The following CIP2A variants were observed in gnomAD, a reference collection of about 807,000 sequenced individuals.
The protein encoded by CIP2A is protein CIP2A.
Under a neutral mutation model 110.9 loss-of-function variants are expected in CIP2A, and 103 were observed. That is an observed-to-expected ratio of 0.93 (90% confidence interval 0.79 to 1.09). The LOEUF (loss-of-function observed/expected upper bound fraction) is 1.09. CIP2A is among the 50% of genes least tolerant of loss of function. The probability of loss-of-function intolerance (pLI) is 0.00; values close to 1 mark genes in which losing one functional copy is unlikely to be tolerated. For synonymous variants in CIP2A, 381 were observed against 361.6 expected, an observed-to-expected ratio of 1.05 and a Z score of -0.61; for missense variants, 1,088 against 1,038.4, an observed-to-expected ratio of 1.05 and a Z score of -0.66.
chr3:108,569,335 T>G, intron 9 of CIP2A, 54 bp downstream of exon 9: 1 of 1,281,112 alleles, frequency 7.8e-7, no homozygotes, highest in Non-Finnish European at 1.1e-6. Flanking sequence ...GAAGACAAAT[T>G]GTTAACTGAG....
intron 7 of CIP2A, among the ~76,000 whole-genome samples, chr3:108,578,676 C>G (rs1283126950): frequency 1.3e-5 from 2 of 151,962 alleles, no homozygotes; most frequent in Non-Finnish European, 2.9e-5. Flanking sequence ...AGCATAGGCC[C>G]CAGCAAAATT....
At chr3:108,580,741 G>A (rs1039713259) in intron 5 of CIP2A, among the ~76,000 whole-genome samples, 12 of 151,898 alleles carry the variant, frequency 7.9e-5, no homozygotes, top group Non-Finnish European at 1.8e-4. Flanking sequence ...CAATTCCCCT[G>A]CCTCAGCTTC....
intron 7 of CIP2A, among the ~76,000 whole-genome samples, chr3:108,578,754 T>C (rs1938763016): frequency 6.6e-6 from 1 of 152,152 alleles, no homozygotes; most frequent in Admixed American, 6.5e-5. Flanking sequence ...AAAACATAAA[T>C]GATCATATGA....
chr3:108,569,168 C>CTATATATATATATA lies in CIP2A; in HGVS notation c.1113+207_1113+220dup, dbSNP rs1163991017. Among the ~76,000 whole-genome samples the CTATATATATATATA allele has an allele frequency of 9.7e-3, 108 of 11,090 alleles. 31 individuals carry two copies. In the East Asian group the frequency reaches 0.21, roughly 21 times the overall value. The allele number at this position is 11,090 out of a possible 152,430, so 7.3% of individuals were successfully genotyped here. ...TTTACTTATTACACTGAAATGAGCA[C>CTATATATATATATA]TATATATATATATACATACACACTA... is the stretch of plus-strand genomic sequence containing the variant. On this transcript the variant is annotated intron_variant, in intron 9 of 20. Coordinates refer to ENST00000295746, the MANE Select transcript of CIP2A (RefSeq NM_020890.3).
intron 18 of CIP2A, 33 bp downstream of exon 18, chr3:108,554,343 C>T: frequency 1.2e-6 from 1 of 865,894 alleles, no homozygotes; most frequent in South Asian, 1.6e-5. Flanking sequence ...TGAAAAATCC[C>T]ACATATTCAG....
chr3:108,569,502 G>C lies in CIP2A; in HGVS notation c.1000C>G (p.His334Asp). Residue 334 changes from histidine to aspartate, a missense_variant, in exon 9 of 21, where the codon CAT becomes GAT. His to Asp is a moderately conservative substitution (Grantham distance 81). Transcript: ENST00000295746. ...SPPGSATLGS[H>D]TKCLEPTVAL... ...ACAGTAGGTTCTAAACATTTAGTAT[G>C]GCTTCCCAGAGTGGCGCTGCCAGGT... 2 of 1,612,760 alleles carry C rather than the reference G, an allele frequency of 1.2e-6. No homozygotes were observed. Among genetic ancestry groups the C allele is most frequent in the Non-Finnish European group, 1.7e-6 (2 of 1,179,310 alleles).
chr3:108,571,160 T>G (rs1322423617), intron 8 of CIP2A, among the ~76,000 whole-genome samples: 1 of 152,192 alleles, frequency 6.6e-6, no homozygotes, highest in Non-Finnish European at 1.5e-5. Context: ...TACCTTCTTC[T>G]GGAATACCTC....
chr3:108,560,219 T>C (rs1007412720), intron 14 of CIP2A, among the ~76,000 whole-genome samples, 191 bp from the exon 15 acceptor site: 5 of 152,060 alleles, frequency 3.3e-5, no homozygotes, highest in Non-Finnish European at 5.9e-5. Flanking sequence ...TCACCCAGGT[T>C]GGAGTGAAGT....
chr3:108,578,813 G>C (rs537779522), intron 7 of CIP2A, among the ~76,000 whole-genome samples: 1 of 152,178 alleles, frequency 6.6e-6, no homozygotes, highest in South Asian at 2.1e-4. Context: ...CCTATGAAAA[G>C]AGGCACACAC....
chr3:108,572,744 C>CT, intron 8 of CIP2A, among the ~76,000 whole-genome samples: 1 of 143,266 alleles, frequency 7.0e-6, no homozygotes, highest in Non-Finnish European at 1.6e-5. Flanking sequence ...TTTCTATACT[C>CT]TCACGTCATC....
intron 6 of CIP2A, 25 bp from the exon 7 acceptor site, chr3:108,579,451 T>C (rs776132318): frequency 9.5e-6 from 15 of 1,582,738 alleles, no homozygotes; most frequent in African/African-American, 1.4e-5. Flanking sequence ...AGAAAAAGCA[T>C]ATTAGACAAA....
intron 12 of CIP2A, 48 bp from the exon 13 acceptor site, chr3:108,563,292 T>C (rs774441802): frequency 9.0e-7 from 1 of 1,107,258 alleles, no homozygotes; most frequent in South Asian, 1.3e-5. Context: ...GAATAAACAA[T>C]GTCAGCTCTT....
intron 16 of CIP2A, among the ~76,000 whole-genome samples, chr3:108,557,615 T>G (rs1215451967): frequency 6.6e-6 from 1 of 152,090 alleles, no homozygotes; most frequent in East Asian, 1.9e-4. Flanking sequence ...ATACATTATC[T>G]GATAAAAACA....
Position 108,569,431 on chromosome 3 carries a change from GTT to G in CIP2A, c.1069_1070del (p.Asn357LeufsTer14). 6.2e-7 allele frequency: 1 copy of G among 1,612,568 alleles called. No homozygotes were observed. The highest frequency in any genetic ancestry group is 8.5e-7 in the Non-Finnish European group (1 of 1,179,182). ...ACAACTCCAATGCTAAAACAGAACAGTTTTCTGATCCGTCCAAAGGTTGGCTT... is the reference window on the plus strand; with the variant it reads ...ACAACTCCAATGCTAAAACAGAACAGTTCTGATCCGTCCAAAGGTTGGCTT... Reference protein sequence around the residue: ...WLSQPLDGSENCSVLALELFK... With the variant: ...WLSQPLDGSEXCSVLALELFK... On this transcript the variant is annotated frameshift_variant, in exon 9 of 21. Coordinates refer to ENST00000295746, the MANE Select transcript of CIP2A (RefSeq NM_020890.3). LOFTEE classifies it high-confidence loss of function.
Position 108,557,204 on chromosome 3 carries a change from T to C in CIP2A, c.2210+14A>G. ...TAGGTTCTAACCTTACACAGAAGAT[T>C]TTACTTTATTTACCTCTGAAGAAGT... On this transcript the variant is annotated intron_variant, in intron 17 of 20. Coordinates refer to ENST00000295746, the MANE Select transcript of CIP2A (RefSeq NM_020890.3). The C allele has an allele frequency of 6.6e-7, 1 of 1,520,782 alleles. No homozygotes were observed. The highest frequency in any genetic ancestry group is 9.0e-7 in the Non-Finnish European group (1 of 1,115,754). 94.2% of individuals were successfully genotyped at this position (1,520,782 alleles called of 1,614,324 possible). A position where few individuals can be genotyped will look rare whatever the true frequency, so the allele number is the denominator to read the frequency against.
chr3:108,566,663 C>CA (rs1938198623), intron 10 of CIP2A, 25 bp from the exon 11 acceptor site: 16 of 1,479,030 alleles, frequency 1.1e-5, no homozygotes, highest in African/African-American at 1.4e-5. Context: ...AGATATACAA[C>CA]AAAAAAATTC....
intron 13 of CIP2A, 112 bp downstream of exon 13, chr3:108,563,014 C>A: frequency 1.5e-6 from 1 of 666,468 alleles, no homozygotes; most frequent in Non-Finnish European, 2.7e-6. Context: ...ATTACTATTA[C>A]AATGAAGTCT....
chr3:108,586,554 T>C (rs1463468560), intron 1 of CIP2A, among the ~76,000 whole-genome samples: 1 of 152,222 alleles, frequency 6.6e-6, no homozygotes, highest in Non-Finnish European at 1.5e-5. Context: ...ATAATTTATT[T>C]TAATAATAAC....
intron 14 of CIP2A, 24 bp from the exon 15 acceptor site, chr3:108,560,052 T>A: frequency 2.2e-6 from 3 of 1,337,904 alleles, no homozygotes; most frequent in Non-Finnish European, 3.1e-6. Flanking sequence ...GTAAAAAAAC[T>A]TAAAATTTTA....
Sources: allele counts gnomAD v4.1 joint callset (sites outside exome capture counted in the v4.1 genomes callset), GRCh38; gene constraint gnomAD v4.1.1; transcripts MANE v1.5; gene names NCBI Gene and HGNC (gene_info 2026-07-23, HGNC 2026-07-21).